Variants in NCOR2 observed in about 807,000 individuals in gnomAD.
The protein encoded by NCOR2 is nuclear receptor corepressor 2.
NCOR2 carries 81 observed loss-of-function variants against 262.9 expected under a neutral mutation model. The ratio of observed to expected loss-of-function variants is 0.31; its 90% CI spans 0.26 to 0.37. The LOEUF is 0.37. NCOR2 is among the 10% of genes least tolerant of loss of function. The pLI is 1.00. For synonymous variants in NCOR2, 1,659 were observed against 1,559.3 expected, an observed-to-expected ratio of 1.06 and a Z score of -1.51; for missense variants, 3,385 against 3,621.4, an observed-to-expected ratio of 0.93 and a Z score of 1.68.
rs565303494 is a variant in NCOR2 at position 124,344,738 on chromosome 12, C to T, written c.4573G>A (p.Gly1525Ser). Residue 1525 changes from glycine (G) to serine (S), a missense_variant, in exon 32 of 47, where the codon GGC becomes AGC. Transcript: ENST00000405201. ...AGCTCAGGCACAATGACCGGGGCGC[C>T]GCGCGCAATGGAGCCCCCCGAGCTG... 84 of 1,544,538 alleles carry T rather than the reference C, an allele frequency of 5.4e-5. No homozygotes were observed. Among genetic ancestry groups the T allele is most frequent in the South Asian group, 2.1e-4 (18 of 83,904 alleles).
chr12:124,563,306 C>A (rs1214807351), intron 1 of NCOR2, among the ~76,000 whole-genome samples: 3 of 152,250 alleles, frequency 2.0e-5, no homozygotes, highest in Non-Finnish European at 4.4e-5. Context: ...ACCAAAAGCT[C>A]CTTCCTCAAG....
chr12:124,480,060 G>A (rs2047363374), intron 3 of NCOR2, among the ~76,000 whole-genome samples: 1 of 152,232 alleles, frequency 6.6e-6, no homozygotes, highest in Admixed American at 6.5e-5. Context: ...CCTCCTGCGT[G>A]CCAGCCTCCT....
At position 124,503,809 on chromosome 12, in the gene NCOR2, T is replaced by C. The variant is rs2048908394; in HGVS notation, c.-117-8441A>G. Among the ~76,000 whole-genome samples, 1 of 152,132 alleles carries C rather than the reference T, an allele frequency of 6.6e-6. No homozygotes were observed. Among genetic ancestry groups the C allele is most frequent in the African/African-American group, 2.4e-5 (1 of 41,422 alleles). The stretch of plus-strand genomic sequence containing the variant: ...ATGGATGCACACACTCATCACCAGA[T>C]GGGTATCAACTTAGCTGCTTCATTT... On this transcript the variant is annotated intron_variant, in intron 1 of 46. Coordinates refer to the NCOR2 transcript ENST00000404621. This position sits in a 1 kb window ranked among gnomAD's most constrained non-coding sequence, Gnocchi z 4.3.
In NCOR2 at chr12:124,454,017, G is replaced by A. The variant is rs1405550217; in HGVS notation, c.762+3089C>T. Among the ~76,000 whole-genome samples, 4 of 152,228 alleles carry A rather than the reference G, an allele frequency of 2.6e-5. No individual in the cohort carries two copies. The highest frequency in any genetic ancestry group is 1.9e-4 in the East Asian group (1 of 5,198). ...TCTGTGACCCACAGCACCTCAGGCC[G>A]TCCCTGGCCCGGGCTTCTGGCACCC... On this transcript the variant is annotated intron_variant, in intron 6 of 46. Coordinates refer to ENST00000405201, the Ensembl canonical transcript of NCOR2. The surrounding 1 kb of genome is among the most constrained non-coding windows in gnomAD (Gnocchi z 5.6).
intron 1 of NCOR2, among the ~76,000 whole-genome samples, chr12:124,528,425 A>G (rs1411704923): frequency 2.0e-5 from 3 of 152,188 alleles, no homozygotes; most frequent in Non-Finnish European, 2.9e-5. Flanking sequence ...GAAAAAGGAG[A>G]AGGAGGCCCC....
chr12:124,528,483 C>T (rs1341194884), intron 1 of NCOR2, among the ~76,000 whole-genome samples: 2 of 152,204 alleles, frequency 1.3e-5, no homozygotes, highest in African/African-American at 4.8e-5. Context: ...CATGCTCCTC[C>T]CTTGCCCCAA....
At chr12:124,371,775 G>C (rs1400380883) in intron 20 of NCOR2, among the ~76,000 whole-genome samples, 1 of 152,116 alleles carries the variant, frequency 6.6e-6, no homozygotes, top group African/African-American at 2.4e-5. Context: ...GCTGCCCAGG[G>C]CTGCCTCCTC....
chr12:124,333,765 T>TGGGGGC (rs1337367163), intron 41 of NCOR2, among the ~76,000 whole-genome samples: 1 of 149,974 alleles, frequency 6.7e-6, no homozygotes, highest in East Asian at 2.0e-4. Context: ...AGGGTGGGGG[T>TGGGGGC]GGGGGCGGGG....
At chr12:124,346,413 G>T in intron 31 of NCOR2, 151 bp downstream of exon 33, 1 of 870,044 alleles carries the variant, frequency 1.1e-6, no homozygotes, top group Non-Finnish European at 1.6e-6. Context: ...AACACGCACA[G>T]CTGAGGCCCG....
chr12:124,458,873 T>G (rs1389678707), intron 5 of NCOR2, among the ~76,000 whole-genome samples: 1 of 151,534 alleles, frequency 6.6e-6, no homozygotes, highest in East Asian at 1.9e-4. Context: ...CAGGAAAGAG[T>G]CTGCCCTGGG....
At chr12:124,478,395 T>G (rs1466621392) in intron 3 of NCOR2, among the ~76,000 whole-genome samples, 1 of 152,174 alleles carries the variant, frequency 6.6e-6, no homozygotes, top group Non-Finnish European at 1.5e-5. Flanking sequence ...AAAACAAAGT[T>G]CGGTGAATTC....
intron 7 of NCOR2, among the ~76,000 whole-genome samples, chr12:124,445,247 T>C (rs898532612): frequency 5.3e-5 from 8 of 152,168 alleles, no homozygotes; most frequent in Non-Finnish European, 8.8e-5. Flanking sequence ...GCGGGCTCCA[T>C]AGACTCCCGG....
intron 14 of NCOR2, among the ~76,000 whole-genome samples, chr12:124,401,040 A>G (rs1482375275): frequency 6.6e-6 from 1 of 152,160 alleles, no homozygotes; most frequent in African/African-American, 2.4e-5. Context: ...CTCCATCTCT[A>G]CAAAAGAAAA....
At chr12:124,557,801 G>A (rs1027012487) in intron 1 of NCOR2, among the ~76,000 whole-genome samples, 4 of 152,144 alleles carry the variant, frequency 2.6e-5, no homozygotes, top group African/African-American at 4.8e-5. Context: ...TTACCCAGCA[G>A]TGGGCATCAC....
intron 1 of NCOR2, among the ~76,000 whole-genome samples, chr12:124,501,489 G>A (rs576187035): frequency 6.9e-5 from 10 of 145,058 alleles, no homozygotes; most frequent in African/African-American, 2.6e-4. Flanking sequence ...CGGCCTCTGG[G>A]GGCTCTGGGG....
At chr12:124,335,860 C>CA (rs761459893) in intron 38 of NCOR2, 37 of 549,858 alleles carry the variant, frequency 6.7e-5, no homozygotes, top group Non-Finnish European at 1.1e-4. Flanking sequence ...CAGAGACAGA[C>CA]AGAGAGGGAG....
intron 1 of NCOR2, among the ~76,000 whole-genome samples, chr12:124,529,017 TA>T (rs1593992203): frequency 6.6e-6 from 1 of 151,942 alleles, no homozygotes; most frequent in South Asian, 2.1e-4. Context: ...CCGTCTCTAC[TA>T]AAAATACAAA....
At chr12:124,386,897 T>G (rs746569319) in intron 16 of NCOR2, among the ~76,000 whole-genome samples, 1 of 152,232 alleles carries the variant, frequency 6.6e-6, no homozygotes. Context: ...AGCCAGTCCA[T>G]GCAGGTAGGG....
chr12:124,385,612 C>T, intron 17 of NCOR2, 133 bp downstream of exon 19: 2 of 1,349,998 alleles, frequency 1.5e-6, no homozygotes, highest in Non-Finnish European at 2.0e-6. Context: ...CCCCCAGAAG[C>T]TGAGTTCTAA....
Sources: allele counts gnomAD v4.1 joint callset (sites outside exome capture counted in the v4.1 genomes callset), GRCh38; gene constraint gnomAD v4.1.1; non-coding constraint Gnocchi (gnomAD v3.1); transcripts MANE v1.5; gene names NCBI Gene and HGNC (gene_info 2026-07-23, HGNC 2026-07-21).